The following FAM89A variants were observed in gnomAD, a reference collection of about 807,000 sequenced individuals.
FAM89A encodes protein FAM89A.
A neutral mutation model predicts 7.1 loss-of-function variants in FAM89A; 10 were observed. The observed-to-expected ratio is 1.40, with a 90% confidence interval of 0.86 to 2.38. FAM89A has a LOEUF of 2.38. Among genes scored for constraint, FAM89A ranks in the 30% most tolerant of loss-of-function variants. The pLI is 0.00. For missense variants in FAM89A, 276 were observed against 262.8 expected (o/e 1.05, Z -0.35); for synonymous variants, 157 against 129.3 (o/e 1.21, Z -1.45).
At chr1:231,037,024 C>G (rs1193878610) in intron 1 of FAM89A, among the ~76,000 whole-genome samples, 1 of 152,118 alleles carries the variant, frequency 6.6e-6, no homozygotes, top group Non-Finnish European at 1.5e-5. Context: ...ATGTGCAGCC[C>G]AAAAAGCAAA....
At chr1:231,038,309 G>C (rs1477977770) in intron 1 of FAM89A, among the ~76,000 whole-genome samples, 7 of 152,148 alleles carry the variant, frequency 4.6e-5, no homozygotes, top group Admixed American at 1.3e-4. Context: ...ACACCAGGAG[G>C]GACCTGGAAA....
At chr1:231,020,154 A>T (rs754063294) in intron 1 of FAM89A, 28 bp from the exon 2 acceptor site, 1 of 1,570,978 alleles carries the variant, frequency 6.4e-7, no homozygotes, top group Non-Finnish European at 8.6e-7. Flanking sequence ...GGAGGTAAAA[A>T]ACGAGAAGTC....
chr1:231,036,898 C>T (rs925527218), intron 1 of FAM89A, among the ~76,000 whole-genome samples: 1 of 152,020 alleles, frequency 6.6e-6, no homozygotes, highest in African/African-American at 2.4e-5. Flanking sequence ...CATAATGAAC[C>T]CCACTTTACC....
At position 231,039,926 on chromosome 1, in the gene FAM89A, C is replaced by T. The variant is rs548711749; in HGVS notation, c.286G>A (p.Glu96Lys). 2.3e-5 allele frequency: 31 copies of T among 1,334,604 alleles called. No homozygotes were observed. The South Asian group carries it at 5.7e-4, about 24-fold the overall frequency. The allele number at this position is 1,334,604 out of a possible 1,614,324, so 82.7% of individuals were successfully genotyped here. ...GCTCGCGGAGCCCCACTCACCATCT[C>T]TTTGCGGAGCAGCGCCAGAGCGGCG... ...LDAALALLRK[E>K]MVGLRQLDMS... is the part of the protein sequence containing the mutation. The change falls in exon 1 of 2, where the codon GAG (glutamate) becomes AAG (lysine). Residue 96 changes from glutamate to lysine, a missense_variant. By Grantham distance (56) the Glu-to-Lys change is moderately conservative (BLOSUM62 1). Transcript: ENST00000366654.
At chr1:231,032,375 C>T (rs1432542988) in intron 1 of FAM89A, among the ~76,000 whole-genome samples, 3 of 133,346 alleles carry the variant, frequency 2.2e-5, no homozygotes, top group Non-Finnish European at 3.2e-5. Context: ...CACCCCACCC[C>T]GCCCCCGCCA....
intron 1 of FAM89A, chr1:231,021,596 G>T: frequency 7.1e-7 from 1 of 1,399,818 alleles, no homozygotes; most frequent in South Asian, 1.2e-5. Flanking sequence ...GAAACGAAAG[G>T]CACCAAAGAG....
In FAM89A at chr1:231,040,244, T is replaced by G. The variant is rs1040877430; in HGVS notation, c.-33A>C. 10 of 1,027,590 alleles carry G rather than the reference T, an allele frequency of 9.7e-6. No homozygotes were observed. Among genetic ancestry groups the G allele is most frequent in the Non-Finnish European group, 1.0e-5 (9 of 859,768 alleles). The allele number at this position is 1,027,590 out of a possible 1,614,324, so 63.7% of individuals were successfully genotyped here. On this transcript the variant is annotated 5_prime_UTR_variant, in exon 1 of 2. Coordinates refer to ENST00000366654, the MANE Select transcript of FAM89A (RefSeq NM_198552.3). The stretch of plus-strand genomic sequence containing the variant: ...CGGCCCGGCCACGCGCCTGCCCCGC[T>G]GCAGCGAACCAAGGCTTTCCCCCGG...
chr1:231,030,785 T>C (rs180699149), intron 1 of FAM89A, among the ~76,000 whole-genome samples: 1 of 152,228 alleles, frequency 6.6e-6, no homozygotes, highest in East Asian at 1.9e-4. Flanking sequence ...CTATCAATAT[T>C]TACATTACTA....
At chr1:231,037,083 TGA>T (rs1477252873) in intron 1 of FAM89A, among the ~76,000 whole-genome samples, 5 of 152,152 alleles carry the variant, frequency 3.3e-5, no homozygotes, top group Non-Finnish European at 7.4e-5. Flanking sequence ...TGTGTGTGTG[TGA>T]GAGTGCATGC....
chr1:231,028,367 T>C (rs984981393), intron 1 of FAM89A: 2 of 152,132 alleles, frequency 1.3e-5, no homozygotes. Context: ...TGAAGGTATG[T>C]GGGTCTTGGA....
intron 1 of FAM89A, among the ~76,000 whole-genome samples, chr1:231,029,598 T>C (rs1056457770): frequency 4.6e-5 from 7 of 152,096 alleles, no homozygotes; most frequent in Non-Finnish European, 1.0e-4. Flanking sequence ...AATGGGTGCT[T>C]TGACAATCAC....
At chr1:231,023,660 T>G (rs1272104746) in intron 1 of FAM89A, among the ~76,000 whole-genome samples, 1 of 152,224 alleles carries the variant, frequency 6.6e-6, no homozygotes, top group Non-Finnish European at 1.5e-5. Flanking sequence ...GAAAATTGTT[T>G]TATTCTTCAT....
intron 1 of FAM89A, among the ~76,000 whole-genome samples, chr1:231,025,730 G>T (rs1477241586): frequency 6.6e-6 from 1 of 151,866 alleles, no homozygotes; most frequent in Non-Finnish European, 1.5e-5. Flanking sequence ...GACAGGGAAA[G>T]AAAGAAGGAA....
chr1:231,025,954 C>A (rs1364372106), intron 1 of FAM89A: 2 of 152,904 alleles, frequency 1.3e-5, no homozygotes, highest in African/African-American at 4.9e-5. Context: ...GCCAGCCAAG[C>A]AGAAGAGCAC....
rs377233422 is a variant in FAM89A at position 231,030,164 on chromosome 1, G to A, written c.291+9757C>T. Among the ~76,000 whole-genome samples, 14 of 152,156 alleles carry A rather than the reference G, an allele frequency of 9.2e-5. No individual in the cohort carries two copies. In the East Asian group the frequency reaches 1.2e-3, roughly 13 times the overall value. On this transcript the variant is annotated intron_variant, in intron 1 of 1. Transcript: ENST00000366654. ...TATGTAGCCTTCTCCTCCCATGGGC[G>A]GAAACATATTCGTGTCATCTGGTCA...
chr1:231,034,614 A>C lies in FAM89A; in HGVS notation c.291+5307T>G, dbSNP rs575804230. ...ATGGAGAAACCCCATCTCTACTAAA[A>C]ATACAAAAAGAGCCGGGCATGGTGG... On this transcript the variant is annotated intron_variant, in intron 1 of 1. Coordinates refer to ENST00000366654, the MANE Select transcript of FAM89A (RefSeq NM_198552.3). Among the ~76,000 whole-genome samples, 316 of 152,102 alleles carry C rather than the reference A, an allele frequency of 2.1e-3. 1 individual carries two copies. The highest frequency in any genetic ancestry group is 3.7e-3 in the Non-Finnish European group (250 of 67,976).
chr1:231,039,184 T>C (rs1680208337), intron 1 of FAM89A, among the ~76,000 whole-genome samples: 1 of 152,266 alleles, frequency 6.6e-6, no homozygotes, highest in South Asian at 2.1e-4. Flanking sequence ...GCTAATGTAC[T>C]TCCCAAGCAC....
Position 231,035,186 on chromosome 1 carries a change from A to ACT in FAM89A, c.291+4734_291+4735insAG, listed in dbSNP as rs112001136. On this transcript the variant is annotated intron_variant, in intron 1 of 1. Transcript: ENST00000366654. ...AATGAGCTGGAATCCAGTTCACTGG[A>ACT]CAAGCTCATTAGGCATTTAGTTGTT... 5.3e-5 allele frequency among the ~76,000 whole-genome samples: 8 copies of ACT among 152,318 alleles called. 1 individual carries two copies. The highest frequency in any genetic ancestry group is 1.9e-4 in the African/African-American group (8 of 41,556).
At chr1:231,033,406 C>A (rs572777999) in intron 1 of FAM89A, among the ~76,000 whole-genome samples, 1 of 152,196 alleles carries the variant, frequency 6.6e-6, no homozygotes, top group Admixed American at 6.5e-5. Flanking sequence ...CAGAGCGAAA[C>A]TGCGAAACTT....
Sources: gnomAD v4.1 joint callset for allele counts (sites outside exome capture counted in the v4.1 genomes callset) on GRCh38, gnomAD v4.1.1 for gene constraint, MANE v1.5 for transcripts, NCBI Gene and HGNC (gene_info 2026-07-23, HGNC 2026-07-21) for gene names.